The following SNURF variants were observed in gnomAD, a reference collection of about 807,000 sequenced individuals.
SNURF encodes SNURF protein.
A neutral mutation model predicts 11.6 loss-of-function variants in SNURF; 6 were observed. The observed-to-expected ratio is 0.52, with a 90% CI of 0.28 to 1.02. The LOEUF is 1.02. SNURF is among the 50% of genes least tolerant of loss of function. The probability of loss-of-function intolerance (pLI) is 0.09; values close to 1 mark genes in which losing one functional copy is unlikely to be tolerated. For synonymous variants in SNURF, 29 were observed against 31.6 expected (o/e 0.92, Z 0.27); for missense variants, 84 against 88.4 (o/e 0.95, Z 0.20).
At chr15:24,975,001 G>GT (rs759575151) in intron 3 of SNURF, 1 of 702,802 alleles carries the variant, frequency 1.4e-6, no homozygotes, top group South Asian at 1.5e-5. Context: ...AAATGGAAGG[G>GT]TTTTGGCATT....
downstream of SNURF, among the ~76,000 whole-genome samples, chr15:24,972,597 G>T: frequency 7.0e-6 from 1 of 143,740 alleles, no homozygotes; most frequent in African/African-American, 2.6e-5. Flanking sequence ...AGGCTGGAGT[G>T]CAATGGTGCG....
At chr15:24,970,890 A>G (rs2076316021), downstream of SNURF, among the ~76,000 whole-genome samples, 1 of 152,086 alleles carries the variant, frequency 6.6e-6, no homozygotes, top group Non-Finnish European at 1.5e-5. Context: ...TTGTGTATTA[A>G]TATTTTGCAT....
exon 4 of SNURF, chr15:24,975,395 A>T: frequency 1.2e-6 from 2 of 1,613,546 alleles, no homozygotes; most frequent in Non-Finnish European, 1.7e-6. Flanking sequence ...CAGCACATTG[A>T]CTATAGAATG....
chr15:24,958,486 G>GTTTTTTTTTT (rs71127030), intron 1 of SNURF, among the ~76,000 whole-genome samples: 4 of 65,298 alleles, frequency 6.1e-5, no homozygotes, highest in Non-Finnish European at 1.1e-4. Context: ...CTGGCTCAAA[G>GTTTTTTTTTT]TTTTTTTTTT....
intron 2 of SNURF, among the ~76,000 whole-genome samples, chr15:24,966,319 T>A (rs1477916272): frequency 6.6e-6 from 1 of 152,180 alleles, no homozygotes; most frequent in Non-Finnish European, 1.5e-5. Flanking sequence ...AACAGATGCA[T>A]AGAGCAAAAT....
rs2077074541 is a variant in SNURF, at chr15:24,976,501, C to T, written c.*309+85C>T. ...ATGTCTGAAATCAGGGTAGAGCAGACACAGTTCAACATGGATTGTCAAATA... is the reference window on the plus strand; with the variant it reads ...ATGTCTGAAATCAGGGTAGAGCAGATACAGTTCAACATGGATTGTCAAATA... On this transcript the variant is annotated intron_variant and NMD_transcript_variant, in intron 5 of 6. Transcript: ENST00000580062. 4 of 908,098 alleles carry T rather than the reference C, an allele frequency of 4.4e-6. No individual in the cohort carries two copies. In the South Asian group the frequency reaches 5.7e-5, roughly 13 times the overall value. 56.3% of individuals were successfully genotyped at this position (908,098 alleles called of 1,614,324 possible). A position where few individuals can be genotyped will look rare whatever the true frequency, so the allele number is the denominator to read the frequency against.
chr15:24,977,964 A>AT (rs2077256247), downstream of SNURF: 1 of 1,493,294 alleles, frequency 6.7e-7, no homozygotes, highest in Non-Finnish European at 9.0e-7. Context: ...CTGATGAGAG[A>AT]TAGCTTACTG....
At chr15:24,978,518 CT>C (rs1357716589), downstream of SNURF, 4 of 1,323,076 alleles carry the variant, frequency 3.0e-6, no homozygotes, top group African/African-American at 4.4e-5. Flanking sequence ...TGTTTGTGAG[CT>C]TTTTGTTCCC....
chr15:24,956,512 A>G (rs4906940), intron 1 of SNURF, among the ~76,000 whole-genome samples: 2 of 151,940 alleles, frequency 1.3e-5, no homozygotes, highest in East Asian at 3.9e-4. Context: ...CCCCTCCCCA[A>G]AGTGCTGCTT....
At chr15:24,960,090 C>T (rs1422699321) in intron 1 of SNURF, among the ~76,000 whole-genome samples, 1 of 151,952 alleles carries the variant, frequency 6.6e-6, no homozygotes, top group African/African-American at 2.4e-5. Flanking sequence ...CATGGTGAAA[C>T]CCTGTCTCTA....
downstream of SNURF, among the ~76,000 whole-genome samples, chr15:24,973,426 C>T (rs1246498819): frequency 6.6e-6 from 1 of 152,014 alleles, no homozygotes; most frequent in Non-Finnish European, 1.5e-5. Flanking sequence ...TTGCTCTTGT[C>T]CCTCCTTGTT....
chr15:24,960,362 C>T (rs2074568696), intron 1 of SNURF, among the ~76,000 whole-genome samples: 1 of 151,946 alleles, frequency 6.6e-6, no homozygotes, highest in Non-Finnish European at 1.5e-5. Context: ...CATTTTGAGG[C>T]AGGGTCTGGC....
chr15:24,971,113 A>G (rs1252209294), downstream of SNURF, among the ~76,000 whole-genome samples: 21 of 152,174 alleles, frequency 1.4e-4, no homozygotes, highest in Admixed American at 6.5e-5. Flanking sequence ...TTTTGAATTA[A>G]AGTAGATTTA....
intron 1 of SNURF, among the ~76,000 whole-genome samples, chr15:24,958,155 A>G (rs947126008): frequency 2.0e-5 from 3 of 152,154 alleles, no homozygotes; most frequent in Non-Finnish European, 2.9e-5. Context: ...GTTACTCTGT[A>G]TCTTTATGTT....
At chr15:24,971,807 A>G (rs1409075952), downstream of SNURF, among the ~76,000 whole-genome samples, 1 of 152,128 alleles carries the variant, frequency 6.6e-6, no homozygotes, top group African/African-American at 2.4e-5. Context: ...TGAAGCAATG[A>G]TTTAAGTAAA....
intron 1 of SNURF, 103 bp downstream of exon 1, chr15:24,955,165 G>C: frequency 6.7e-7 from 1 of 1,495,144 alleles, no homozygotes; most frequent in Non-Finnish European, 9.2e-7. Context: ...TGAATAAACG[G>C]AATTTGGGCC....
At chr15:24,974,181 G>T (rs2076796808) in intron 3 of SNURF, 2 of 476,866 alleles carry the variant, frequency 4.2e-6, no homozygotes, top group Non-Finnish European at 3.8e-6. Context: ...GCAGTCCCTT[G>T]GTGAGGAAGC....
chr15:24,969,456 G>T (rs2076125488), downstream of SNURF, among the ~76,000 whole-genome samples: 1 of 152,074 alleles, frequency 6.6e-6, no homozygotes, highest in Non-Finnish European at 1.5e-5. Flanking sequence ...AAAGGAGACA[G>T]AAATTTTCTG....
At chr15:24,956,122 ATGGCATAAGAAGAC>A (rs1385389305) in intron 1 of SNURF, among the ~76,000 whole-genome samples, 1 of 152,106 alleles carries the variant, frequency 6.6e-6, no homozygotes, top group Non-Finnish European at 1.5e-5. Flanking sequence ...TTTAGAGGCT[ATGGCATAAGAAGAC>A]TGGAATGATG....
Sources: allele counts gnomAD v4.1 joint callset (sites outside exome capture counted in the v4.1 genomes callset), GRCh38; gene constraint gnomAD v4.1.1; transcripts MANE v1.5; gene names NCBI Gene and HGNC (gene_info 2026-07-23, HGNC 2026-07-21).